Variants in CTNNA3 observed in about 807,000 individuals in gnomAD.
The protein encoded by CTNNA3 is catenin alpha-3.
Under a neutral mutation model 95.7 loss-of-function variants are expected in CTNNA3, and 76 were observed. The observed-to-expected ratio is 0.79, with a 90% confidence interval of 0.66 to 0.96. The LOEUF (loss-of-function observed/expected upper bound fraction) is 0.96. Ranked by LOEUF, CTNNA3 falls within the 40% of genes least tolerant of loss-of-function variation. The probability of loss-of-function intolerance (pLI) is 0.00; values close to 1 mark genes in which losing one functional copy is unlikely to be tolerated. For missense variants in CTNNA3, 1,191 were observed against 1,089.8 expected, an observed-to-expected ratio of 1.09 and a Z score of -1.31; for synonymous variants, 431 against 374.4, an observed-to-expected ratio of 1.15 and a Z score of -1.74.
chr10:67,018,073 G>A (rs1203232371), intron 7 of CTNNA3, among the ~76,000 whole-genome samples: 1 of 152,062 alleles, frequency 6.6e-6, no homozygotes, highest in Admixed American at 6.5e-5. Flanking sequence ...TGCCTGGCCT[G>A]TGGATATATA....
At chr10:66,429,847 C>G (rs142280722) in intron 11 of CTNNA3, among the ~76,000 whole-genome samples, 3,491 of 152,034 alleles carry the variant, frequency 0.023, 56 homozygotes, top group South Asian at 0.047. Flanking sequence ...TGGCACAAGA[C>G]AGGGATGCCC....
intron 15 of CTNNA3, among the ~76,000 whole-genome samples, chr10:66,057,960 C>T (rs921728280): frequency 3.3e-5 from 5 of 152,116 alleles, no homozygotes; most frequent in Admixed American, 2.6e-4. Context: ...AAAAAATGGA[C>T]TTCTCTGCCT....
intron 7 of CTNNA3, among the ~76,000 whole-genome samples, chr10:67,133,060 G>T (rs1232781526): frequency 6.6e-6 from 1 of 151,638 alleles, no homozygotes; most frequent in East Asian, 1.9e-4. Context: ...AAAGTAACTA[G>T]AAGAGAGGAC....
In CTNNA3 at chr10:66,548,437, A is replaced by G. The variant is rs150943159; in HGVS notation, c.1375-27664T>C. On this transcript the variant is annotated intron_variant, in intron 10 of 17. Coordinates refer to ENST00000433211, the MANE Select transcript of CTNNA3 (RefSeq NM_013266.4). ...TCTTCCTCTTTCTGTTCTTTTTCTC[A>G]TATTTCATCCTCAATTAGAATCTCT... Among the ~76,000 whole-genome samples the G allele has an allele frequency of 4.8e-3, 734 of 152,106 alleles. 6 individuals carry two copies. Among genetic ancestry groups the G allele is most frequent in the African/African-American group, 0.016 (681 of 41,514 alleles).
At chr10:67,030,819 C>T (rs1853673572) in intron 7 of CTNNA3, among the ~76,000 whole-genome samples, 1 of 152,132 alleles carries the variant, frequency 6.6e-6, no homozygotes, top group South Asian at 2.1e-4. Flanking sequence ...TCCTTACCAA[C>T]ATGGTGAAAC....
In CTNNA3 at chr10:66,447,098, C is replaced by A. The variant is rs1031984333; in HGVS notation, c.1532-67746G>T. On this transcript the variant is annotated intron_variant, in intron 11 of 17. Transcript: ENST00000433211. ...CAATTGCTTCAAAGAGAATAAAATA[C>A]CTAGGAATCCAACTTACAAGGGATG... Among the ~76,000 whole-genome samples, 106 of 151,670 alleles carry A rather than the reference C, an allele frequency of 7.0e-4. 1 individual carries two copies. Among genetic ancestry groups the A allele is most frequent in the Admixed American group, 3.1e-3 (47 of 15,248 alleles).
intron 13 of CTNNA3, among the ~76,000 whole-genome samples, chr10:66,130,097 C>A (rs1243252246): frequency 6.6e-6 from 1 of 152,148 alleles, no homozygotes; most frequent in Non-Finnish European, 1.5e-5. Context: ...AGAACAGTGA[C>A]CTGCCCCCAG....
chr10:66,323,902 A>T (rs1564867475), intron 12 of CTNNA3, among the ~76,000 whole-genome samples: 1 of 151,942 alleles, frequency 6.6e-6, no homozygotes, highest in Non-Finnish European at 1.5e-5. Context: ...GGAATGTCTG[A>T]GTGCTGAGAG....
At chr10:67,684,883 TAA>T (rs1187262036) in intron 1 of CTNNA3, among the ~76,000 whole-genome samples, 1 of 152,166 alleles carries the variant, frequency 6.6e-6, no homozygotes, top group Non-Finnish European at 1.5e-5. Context: ...GAGGTTGGTA[TAA>T]GAGTTTGAAA....
At chr10:66,965,906 T>C (rs1234037924) in intron 7 of CTNNA3, among the ~76,000 whole-genome samples, 2 of 152,214 alleles carry the variant, frequency 1.3e-5, no homozygotes, top group East Asian at 3.9e-4. Flanking sequence ...TCCATCCTCC[T>C]TGGCAATTCC....
chr10:67,496,088 C>G (rs1313788557), intron 5 of CTNNA3, among the ~76,000 whole-genome samples: 1 of 152,158 alleles, frequency 6.6e-6, no homozygotes, highest in East Asian at 1.9e-4. Flanking sequence ...TTATATCGAG[C>G]ACCCTAGTAG....
At chr10:66,802,514 A>T (rs1204449061) in intron 7 of CTNNA3, among the ~76,000 whole-genome samples, 1 of 151,896 alleles carries the variant, frequency 6.6e-6, no homozygotes, top group African/African-American at 2.4e-5. Context: ...GATGTGGAAC[A>T]ATTTGGAACT....
chr10:66,830,645 T>C (rs1842682054), intron 7 of CTNNA3, among the ~76,000 whole-genome samples: 1 of 152,064 alleles, frequency 6.6e-6, no homozygotes, highest in African/African-American at 2.4e-5. Context: ...AGTCTAGCTC[T>C]GTTGCCCAGG....
intron 7 of CTNNA3, among the ~76,000 whole-genome samples, chr10:67,146,338 G>A (rs1480828562): frequency 6.6e-6 from 1 of 152,144 alleles, no homozygotes; most frequent in African/African-American, 2.4e-5. Context: ...CAAACTAACT[G>A]AGAATATTTT....
intron 15 of CTNNA3, among the ~76,000 whole-genome samples, chr10:66,064,294 A>C (rs772265612): frequency 3.9e-5 from 6 of 152,168 alleles, no homozygotes; most frequent in Admixed American, 1.3e-4. Context: ...CTCCCTTGAC[A>C]TGTGGGAATT....
At chr10:67,268,621 A>G (rs1438667007) in intron 5 of CTNNA3, among the ~76,000 whole-genome samples, 1 of 152,186 alleles carries the variant, frequency 6.6e-6, no homozygotes, top group African/African-American at 2.4e-5. Context: ...TTCAATTATT[A>G]TAAAGCGTAA....
chr10:66,437,057 C>A (rs531864463), intron 11 of CTNNA3, among the ~76,000 whole-genome samples: 4 of 152,160 alleles, frequency 2.6e-5, no homozygotes, highest in African/African-American at 9.6e-5. Context: ...CAAGAGATCC[C>A]CTGTTAGTCT....
intron 7 of CTNNA3, among the ~76,000 whole-genome samples, chr10:67,029,116 G>A (rs562602726): frequency 6.6e-6 from 1 of 152,212 alleles, no homozygotes; most frequent in South Asian, 2.1e-4. Flanking sequence ...CTTTCTTTAT[G>A]TCTCTCTACT....
chr10:66,302,861 T>TA (rs2091882518), intron 12 of CTNNA3, among the ~76,000 whole-genome samples: 1 of 152,116 alleles, frequency 6.6e-6, no homozygotes. Context: ...AAAAGAAAGA[T>TA]ACTATTCCAT....
Sources: gnomAD v4.1 joint callset for allele counts (sites outside exome capture counted in the v4.1 genomes callset) on GRCh38, gnomAD v4.1.1 for gene constraint, MANE v1.5 for transcripts, NCBI Gene and HGNC (gene_info 2026-07-23, HGNC 2026-07-21) for gene names.